Variants in PRKCE observed in about 807,000 individuals in gnomAD.
PRKCE encodes protein kinase C epsilon type.
A neutral mutation model predicts 85.4 loss-of-function variants in PRKCE; 16 were observed. The ratio of observed to expected loss-of-function variants is 0.19; its 90% confidence interval spans 0.13 to 0.28. PRKCE has a LOEUF of 0.28. PRKCE is among the 10% of genes least tolerant of loss of function. The pLI is 1.00. For synonymous variants in PRKCE, 388 were observed against 371.5 expected (o/e 1.04, Z -0.51); for missense variants, 573 against 975.2 (o/e 0.59, Z 5.49).
At position 46,024,911 on chromosome 2, in the gene PRKCE, G is replaced by T. The variant is rs557591091; in HGVS notation, c.1437+14394G>T. 3.9e-5 allele frequency among the ~76,000 whole-genome samples: 6 copies of T among 152,290 alleles called. No individual in the cohort carries two copies. The South Asian group carries it at 1.2e-3, about 32-fold the overall frequency. ...ACAACCAAAGGAAACACGTTGTCAT[G>T]AATGGTGAAATACTTCTACCATCCA... On this transcript the variant is annotated intron_variant, in intron 10 of 14. Transcript: ENST00000306156.
intron 2 of PRKCE, among the ~76,000 whole-genome samples, chr2:45,925,592 G>A (rs773412461): frequency 2.0e-5 from 3 of 152,104 alleles, no homozygotes; most frequent in African/African-American, 4.8e-5. Context: ...CACCGCGCCC[G>A]GCCAAGCATG....
intron 1 of PRKCE, among the ~76,000 whole-genome samples, chr2:45,807,649 G>T (rs1301201538): frequency 3.3e-5 from 5 of 152,142 alleles, no homozygotes; most frequent in Non-Finnish European, 7.3e-5. Context: ...AACATTCATG[G>T]CTAACAGTCT....
chr2:46,006,711 A>T (rs529113074), intron 8 of PRKCE, among the ~76,000 whole-genome samples: 1 of 152,340 alleles, frequency 6.6e-6, no homozygotes, highest in African/African-American at 2.4e-5. Flanking sequence ...AGGTCAGAGG[A>T]TCATCCAGCA....
rs561151645 is a variant in PRKCE, at chr2:45,677,583, C to G, written c.348+25135C>G. On this transcript the variant is annotated intron_variant, in intron 1 of 14. Coordinates refer to ENST00000306156, the MANE Select transcript of PRKCE (RefSeq NM_005400.3). ...TTGTTAGCCAGGATGGTCTCGATCT[C>G]CTGACCTCATGATCCACCCGCCTCG... is the stretch of plus-strand genomic sequence containing the variant. 2.2e-4 allele frequency among the ~76,000 whole-genome samples: 34 copies of G among 152,236 alleles called. No individual in the cohort carries two copies. In the South Asian group the frequency reaches 7.0e-3, roughly 32 times the overall value.
intron 11 of PRKCE, among the ~76,000 whole-genome samples, chr2:46,088,678 T>C (rs1334171352): frequency 6.6e-6 from 1 of 152,214 alleles, no homozygotes; most frequent in African/African-American, 2.4e-5. Context: ...TACAAGCTAC[T>C]TAGAGATGCA....
At chr2:45,806,521 C>T (rs969143833) in intron 1 of PRKCE, among the ~76,000 whole-genome samples, 2 of 152,216 alleles carry the variant, frequency 1.3e-5, no homozygotes, top group African/African-American at 4.8e-5. Context: ...CCATCACCAC[C>T]ATCTATCCAC....
chr2:46,182,275 G>A (rs750886444), intron 14 of PRKCE, among the ~76,000 whole-genome samples: 55 of 152,072 alleles, frequency 3.6e-4, no homozygotes, highest in Non-Finnish European at 7.2e-4. Flanking sequence ...CCCTTCCACA[G>A]AGATCTTCAG....
chr2:46,090,570 C>T (rs1670069490), intron 11 of PRKCE, among the ~76,000 whole-genome samples: 1 of 152,174 alleles, frequency 6.6e-6, no homozygotes, highest in Admixed American at 6.5e-5. Context: ...TCTTCTAATC[C>T]AGTGGATTGC....
chr2:45,656,355 G>A (rs186628402), intron 1 of PRKCE, among the ~76,000 whole-genome samples: 27 of 152,252 alleles, frequency 1.8e-4, no homozygotes, highest in Admixed American at 7.2e-4. Flanking sequence ...CATTGGAGTA[G>A]GAAAAAGTTT....
At chr2:45,988,332 C>T (rs888909017) in intron 6 of PRKCE, among the ~76,000 whole-genome samples, 3 of 152,246 alleles carry the variant, frequency 2.0e-5, no homozygotes, top group Non-Finnish European at 4.4e-5. Flanking sequence ...GTCCTGGTCA[C>T]TCTTTCTCCA....
intron 10 of PRKCE, among the ~76,000 whole-genome samples, chr2:46,072,789 G>A (rs1014311328): frequency 1.3e-5 from 2 of 152,186 alleles, no homozygotes; most frequent in African/African-American, 4.8e-5. Context: ...TGATGGGGGT[G>A]CACTTTGTCC....
At chr2:45,746,342 G>GT in intron 1 of PRKCE, among the ~76,000 whole-genome samples, 1 of 152,276 alleles carries the variant, frequency 6.6e-6, no homozygotes, top group South Asian at 2.1e-4. Context: ...ACCAAACTCG[G>GT]TTTTCCTTCC....
intron 1 of PRKCE, among the ~76,000 whole-genome samples, chr2:45,839,073 C>T (rs757203009): frequency 5.3e-5 from 8 of 151,948 alleles, no homozygotes; most frequent in Non-Finnish European, 8.8e-5. Flanking sequence ...GCCACAAGGC[C>T]GCTAAGTTTG....
chr2:45,699,400 C>T (rs142475089), intron 1 of PRKCE, among the ~76,000 whole-genome samples: 3,545 of 152,268 alleles, frequency 0.023, 124 homozygotes, highest in African/African-American at 0.08. Flanking sequence ...CAAATTGTTT[C>T]GCTGACTTGA....
intron 2 of PRKCE, among the ~76,000 whole-genome samples, chr2:45,864,881 G>C (rs886412699): frequency 3.9e-5 from 6 of 152,178 alleles, no homozygotes; most frequent in Admixed American, 3.3e-4. Flanking sequence ...TCGAACTTGA[G>C]AATACATCAA....
intron 12 of PRKCE, among the ~76,000 whole-genome samples, chr2:46,146,080 CT>C (rs1417909517): frequency 1.3e-5 from 2 of 152,204 alleles, no homozygotes; most frequent in African/African-American, 4.8e-5. Context: ...GAGATGTTCA[CT>C]GTGAACCACT....
chr2:45,695,231 C>T (rs1444075843), intron 1 of PRKCE, among the ~76,000 whole-genome samples: 1 of 152,164 alleles, frequency 6.6e-6, no homozygotes, highest in Non-Finnish European at 1.5e-5. Context: ...TTCCCCTTAG[C>T]CTCTAAGGAT....
intron 10 of PRKCE, among the ~76,000 whole-genome samples, chr2:46,084,250 G>A (rs1669369930): frequency 6.6e-6 from 1 of 152,170 alleles, no homozygotes; most frequent in Non-Finnish European, 1.5e-5. Context: ...CTGGAGTGGG[G>A]GTGAAGGTAG....
intron 11 of PRKCE, among the ~76,000 whole-genome samples, chr2:46,114,530 G>A (rs375806251): frequency 2.1e-4 from 30 of 143,812 alleles, no homozygotes; most frequent in African/African-American, 5.5e-4. Context: ...CCATTCTCCC[G>A]CGTCAGCCTC....
Sources: allele counts gnomAD v4.1 joint callset (sites outside exome capture counted in the v4.1 genomes callset), GRCh38; gene constraint gnomAD v4.1.1; transcripts MANE v1.5; gene names NCBI Gene and HGNC (gene_info 2026-07-23, HGNC 2026-07-21).